Variants in PEX5L observed in about 807,000 individuals in gnomAD.
The protein encoded by PEX5L is PEX5-related protein.
A neutral mutation model predicts 84.0 loss-of-function variants in PEX5L; 30 were observed. The observed-to-expected ratio is 0.36, with a 90% CI of 0.27 to 0.48. The LOEUF is 0.48. Ranked by LOEUF, PEX5L falls within the 20% of genes least tolerant of loss-of-function variation. The pLI is 0.99. For missense variants in PEX5L, 533 were observed against 754.6 expected (o/e 0.71, Z 3.44); for synonymous variants, 270 against 283.1 (o/e 0.95, Z 0.46).
chr3:179,879,476 A>G (rs1269807102), intron 5 of PEX5L, among the ~76,000 whole-genome samples: 1 of 152,180 alleles, frequency 6.6e-6, no homozygotes, highest in East Asian at 1.9e-4. Flanking sequence ...AGGCATTGTA[A>G]CCCACCATCA....
rs1751435172 is a variant in PEX5L, at chr3:179,874,406, G to A, written c.647C>T (p.Ser216Phe). 1 of 1,609,092 alleles carries A rather than the reference G, an allele frequency of 6.2e-7. No individual in the cohort carries two copies. The highest frequency in any genetic ancestry group is 8.5e-7 in the Non-Finnish European group (1 of 1,176,094). The change falls in exon 7 of 15, where the codon TCT becomes TTT. Residue 216 changes from serine (S) to phenylalanine (F), a missense_variant. This residue lies in a region of PEX5L where 259 missense variants were observed against 301.7 expected (regional missense o/e 0.86). Transcript: ENST00000467460. ...TTTTCCACCACTCAGTTCTGGTTGA[G>A]ATCTGTGTTCTGAGGACCTATAAGG... ...KELLWSSEHR[S>F]QPELSGGKSA...
chr3:180,005,552 C>A (rs1436014694), intron 1 of PEX5L, among the ~76,000 whole-genome samples: 2 of 152,114 alleles, frequency 1.3e-5, no homozygotes, highest in Admixed American at 1.3e-4. Flanking sequence ...CATGGTGAAA[C>A]CCTGTCTCTA....
intron 14 of PEX5L, 142 bp from the exon 15 acceptor site, chr3:179,802,174 C>A: frequency 1.5e-6 from 1 of 645,650 alleles, no homozygotes; most frequent in South Asian, 1.8e-5. Flanking sequence ...ATCAAATGAA[C>A]AACTTTCTAA....
chr3:179,821,140 T>C (rs140595186), intron 8 of PEX5L, among the ~76,000 whole-genome samples: 1 of 152,310 alleles, frequency 6.6e-6, no homozygotes, highest in East Asian at 1.9e-4. Context: ...GTCCTTGTTT[T>C]CTGACACTAC....
chr3:180,001,492 A>AT (rs1471829837), intron 1 of PEX5L, among the ~76,000 whole-genome samples: 4 of 138,182 alleles, frequency 2.9e-5, no homozygotes, highest in African/African-American at 1.2e-4. Context: ...AAAGAAAACA[A>AT]ATTTTTTTTT....
intron 1 of PEX5L, among the ~76,000 whole-genome samples, chr3:180,030,623 A>T (rs978924362): frequency 2.0e-5 from 3 of 152,226 alleles, no homozygotes; most frequent in East Asian, 3.8e-4. Flanking sequence ...TTTAAGAACC[A>T]CATGATTTTT....
intron 3 of PEX5L, among the ~76,000 whole-genome samples, chr3:179,894,132 T>G (rs985236265): frequency 2.0e-5 from 3 of 152,124 alleles, no homozygotes; most frequent in Non-Finnish European, 4.4e-5. Context: ...ATTGAACTAC[T>G]TGTTTATGGT....
chr3:180,009,686 G>C lies in PEX5L; in HGVS notation c.21+26893C>G, dbSNP rs139752810. Among the ~76,000 whole-genome samples, 34 of 152,022 alleles carry C rather than the reference G, an allele frequency of 2.2e-4. No individual in the cohort carries two copies. The East Asian group carries it at 6.2e-3, about 28-fold the overall frequency. The stretch of plus-strand genomic sequence containing the variant: ...TCCTGCCTCAGCCTCCTGAGTAGCT[G>C]GAACTATAGGCACCTGTAGTTCCAT... On this transcript the variant is annotated intron_variant, in intron 1 of 14. Coordinates refer to ENST00000467460, the MANE Select transcript of PEX5L (RefSeq NM_016559.3).
chr3:179,831,186 G>A (rs574576514), intron 8 of PEX5L, among the ~76,000 whole-genome samples: 12 of 151,946 alleles, frequency 7.9e-5, no homozygotes, highest in Admixed American at 1.3e-4. Flanking sequence ...ATGGTGGCGG[G>A]TGCCTGTAAT....
chr3:179,913,494 A>C (rs1457486713), intron 2 of PEX5L, among the ~76,000 whole-genome samples: 2 of 152,172 alleles, frequency 1.3e-5, no homozygotes, highest in Admixed American at 6.5e-5. Flanking sequence ...TAAGTCATCA[A>C]GATTTAAAAA....
intron 9 of PEX5L, among the ~76,000 whole-genome samples, chr3:179,816,399 T>C (rs1210571554): frequency 1.3e-5 from 2 of 152,200 alleles, no homozygotes; most frequent in Non-Finnish European, 2.9e-5. Flanking sequence ...CATGGAATAC[T>C]ATACAGCCAT....
At position 179,904,088 on chromosome 3, in the gene PEX5L, G is replaced by A. The variant is rs559709193; in HGVS notation, c.94-5842C>T. ...ATGTGATTTACAATTCCTTAATCAG[G>A]GTAGTCAAGTTGCAGAAAAGAAATT... On this transcript the variant is annotated intron_variant, in intron 2 of 14. Transcript: ENST00000467460. Among the ~76,000 whole-genome samples the A allele has an allele frequency of 4.6e-5, 7 of 152,232 alleles. No individual in the cohort carries two copies. The South Asian group carries it at 1.5e-3, about 32-fold the overall frequency.
At chr3:179,915,759 C>T (rs1461249614) in intron 2 of PEX5L, among the ~76,000 whole-genome samples, 1 of 152,164 alleles carries the variant, frequency 6.6e-6, no homozygotes, top group African/African-American at 2.4e-5. Flanking sequence ...GAATAGAGCA[C>T]TTCTTTATTT....
intron 8 of PEX5L, among the ~76,000 whole-genome samples, chr3:179,855,090 T>G (rs1053912026): frequency 6.6e-6 from 1 of 151,832 alleles, no homozygotes; most frequent in Non-Finnish European, 1.5e-5. Context: ...TAAACTTGGG[T>G]GTGGGAGAGG....
intron 2 of PEX5L, among the ~76,000 whole-genome samples, chr3:179,958,717 G>T (rs954792059): frequency 6.6e-6 from 1 of 152,166 alleles, no homozygotes; most frequent in African/African-American, 2.4e-5. Context: ...CAAGGTTAGG[G>T]ACATTCAGAT....
At chr3:180,030,941 A>C (rs1259682551) in intron 1 of PEX5L, among the ~76,000 whole-genome samples, 1 of 151,072 alleles carries the variant, frequency 6.6e-6, no homozygotes, top group African/African-American at 2.4e-5. Flanking sequence ...TTTTTCAATG[A>C]AATGGCAAAA....
intron 14 of PEX5L, among the ~76,000 whole-genome samples, chr3:179,805,208 C>T (rs1017529740): frequency 1.4e-5 from 2 of 144,410 alleles, no homozygotes; most frequent in African/African-American, 2.6e-5. Flanking sequence ...TCTCAGATTT[C>T]CCCCACCTGG....
chr3:179,896,362 C>T (rs1277585721), intron 3 of PEX5L, among the ~76,000 whole-genome samples: 2 of 152,058 alleles, frequency 1.3e-5, no homozygotes. Context: ...ATAAAGCATT[C>T]TGTAATCTTC....
chr3:179,893,215 T>A (rs1237159296), intron 3 of PEX5L, among the ~76,000 whole-genome samples: 1 of 152,158 alleles, frequency 6.6e-6, no homozygotes, highest in Non-Finnish European at 1.5e-5. Context: ...AACTGCTTCA[T>A]ATATCAATAC....
Sources: gnomAD v4.1 joint callset for allele counts (sites outside exome capture counted in the v4.1 genomes callset) on GRCh38, gnomAD v4.1.1 for gene constraint, gnomAD v4.1.1 regional missense constraint, MANE v1.5 for transcripts, NCBI Gene and HGNC (gene_info 2026-07-23, HGNC 2026-07-21) for gene names.